The following EFCAB6 variants were observed in gnomAD, a reference collection of about 807,000 sequenced individuals.
EFCAB6 encodes the protein EF-hand calcium-binding domain-containing protein 6.
EFCAB6 carries 156 observed loss-of-function variants against 169.8 expected under a neutral mutation model. The ratio of observed to expected loss-of-function variants is 0.92; its 90% CI spans 0.81 to 1.05. The LOEUF (loss-of-function observed/expected upper bound fraction) is 1.05, where lower values mean the gene tolerates loss of function less well. EFCAB6 is among the 50% of genes least tolerant of loss of function. EFCAB6 has a pLI of 0.00. For synonymous variants in EFCAB6, 698 were observed against 676.4 expected (o/e 1.03, Z -0.50); for missense variants, 1,800 against 1,829.1 (o/e 0.98, Z 0.29).
chr22:43,699,053 A>G (rs995168903), intron 10 of EFCAB6, among the ~76,000 whole-genome samples: 9 of 151,212 alleles, frequency 6.0e-5, no homozygotes, highest in African/African-American at 2.2e-4. Flanking sequence ...TTGAGAACAC[A>G]AGGTTTTCAC....
intron 27 of EFCAB6, among the ~76,000 whole-genome samples, chr22:43,541,962 AC>A (rs1213090773): frequency 6.6e-6 from 1 of 152,192 alleles, no homozygotes; most frequent in Non-Finnish European, 1.5e-5. Context: ...GACTGGTCAG[AC>A]CCAGGGGAAG....
chr22:43,603,283 A>T (rs1212539015), intron 22 of EFCAB6, among the ~76,000 whole-genome samples: 1 of 152,252 alleles, frequency 6.6e-6, no homozygotes, highest in Non-Finnish European at 1.5e-5. Context: ...AATGTGATTA[A>T]TAAGAGAGCT....
chr22:43,578,847 C>CAT, intron 25 of EFCAB6, among the ~76,000 whole-genome samples: 1 of 150,130 alleles, frequency 6.7e-6, no homozygotes, highest in African/African-American at 2.5e-5. Context: ...TCCGTACATG[C>CAT]AGGCATCATT....
chr22:43,546,971 G>A (rs1056942755), intron 27 of EFCAB6, among the ~76,000 whole-genome samples: 1 of 152,012 alleles, frequency 6.6e-6, no homozygotes, highest in Non-Finnish European at 1.5e-5. Flanking sequence ...GATAAAAACT[G>A]GGCGAACTTA....
intron 3 of EFCAB6, among the ~76,000 whole-genome samples, chr22:43,781,758 TG>T (rs1165353847): frequency 6.6e-6 from 1 of 151,934 alleles, no homozygotes; most frequent in Non-Finnish European, 1.5e-5. Context: ...TTGTAACAAA[TG>T]TACCACAGTA....
At chr22:43,690,615 T>A (rs1222637936) in intron 10 of EFCAB6, among the ~76,000 whole-genome samples, 1 of 151,992 alleles carries the variant, frequency 6.6e-6, no homozygotes, top group Non-Finnish European at 1.5e-5. Flanking sequence ...ACACTCCTTC[T>A]GAAACGTACA....
At chr22:43,710,542 G>C (rs2059122573) in intron 10 of EFCAB6, among the ~76,000 whole-genome samples, 1 of 152,214 alleles carries the variant, frequency 6.6e-6, no homozygotes, top group African/African-American at 2.4e-5. Flanking sequence ...AAAGAATCAA[G>C]GCTATCCTGC....
At chr22:43,706,322 A>T (rs373525480) in intron 10 of EFCAB6, among the ~76,000 whole-genome samples, 9 of 152,324 alleles carry the variant, frequency 5.9e-5, no homozygotes, top group Admixed American at 6.5e-5. Context: ...TTTTCATAGA[A>T]GCCTTTCCAG....
chr22:43,718,686 CAGG>C (rs1438242140), intron 8 of EFCAB6, among the ~76,000 whole-genome samples: 2 of 152,194 alleles, frequency 1.3e-5, no homozygotes, highest in Admixed American at 6.5e-5. Flanking sequence ...GAGGCTGAGT[CAGG>C]AGAACTGCTT....
In EFCAB6 at chr22:43,595,110, T is replaced by C. The variant is rs544736172; in HGVS notation, c.2877-4881A>G. ...GGAAATACAACATACCAAAAATCTA[T>C]GGGATGCAGCAAAAGCAGTGCTAAG... is the stretch of plus-strand genomic sequence containing the variant. On this transcript the variant is annotated intron_variant, in intron 23 of 31. Transcript: ENST00000262726. Among the ~76,000 whole-genome samples the C allele has an allele frequency of 1.1e-4, 16 of 151,272 alleles. No individual in the cohort carries two copies. The East Asian group carries it at 1.7e-3, about 16-fold the overall frequency.
intron 13 of EFCAB6, among the ~76,000 whole-genome samples, chr22:43,677,190 A>C (rs1022318329): frequency 2.0e-5 from 3 of 152,216 alleles, no homozygotes; most frequent in Non-Finnish European, 4.4e-5. Context: ...ATTTCTAATA[A>C]TAAAAGTGTC....
At chr22:43,784,659 A>ATG (rs1569487953) in intron 2 of EFCAB6, among the ~76,000 whole-genome samples, 14 of 78,056 alleles carry the variant, frequency 1.8e-4, no homozygotes, top group African/African-American at 3.3e-4. Context: ...ATATGTGTAT[A>ATG]TATACATATA....
chr22:43,779,656 C>T (rs1168654757), intron 3 of EFCAB6, among the ~76,000 whole-genome samples: 1 of 152,140 alleles, frequency 6.6e-6, no homozygotes, highest in African/African-American at 2.4e-5. Context: ...AGGAGAATCG[C>T]TTGAACCCAG....
chr22:43,596,420 A>C (rs2052012149), intron 23 of EFCAB6, among the ~76,000 whole-genome samples: 1 of 152,134 alleles, frequency 6.6e-6, no homozygotes, highest in Admixed American at 6.5e-5. Context: ...CGAAATCAAT[A>C]CACAAAAATC....
chr22:43,633,878 C>T (rs1056491042), intron 18 of EFCAB6, among the ~76,000 whole-genome samples: 3 of 152,242 alleles, frequency 2.0e-5, no homozygotes, highest in African/African-American at 7.2e-5. Flanking sequence ...ACCCCCACCC[C>T]ACCGCCTGAC....
intron 23 of EFCAB6, among the ~76,000 whole-genome samples, chr22:43,591,501 C>T (rs1004165350): frequency 0.022 from 2 of 92 alleles, no homozygotes; most frequent in Admixed American, 0.25. Flanking sequence ...ACAGCCACCA[C>T]GTGGTGTTGA....
At chr22:43,780,693 C>T (rs749720414) in intron 3 of EFCAB6, among the ~76,000 whole-genome samples, 3 of 152,112 alleles carry the variant, frequency 2.0e-5, no homozygotes, top group Non-Finnish European at 4.4e-5. Context: ...TCCCTAATAT[C>T]CACTCTCCTC....
At chr22:43,641,658 T>C (rs374619048) in intron 17 of EFCAB6, among the ~76,000 whole-genome samples, 1 of 149,718 alleles carries the variant, frequency 6.7e-6, no homozygotes, top group South Asian at 2.2e-4. Context: ...AAAAGGATAC[T>C]TTCCTTGTGA....
At chr22:43,634,563 G>T (rs2055234620) in intron 18 of EFCAB6, among the ~76,000 whole-genome samples, 1 of 151,992 alleles carries the variant, frequency 6.6e-6, no homozygotes, top group South Asian at 2.1e-4. Context: ...TTCTCTAGAG[G>T]GCTTGTTTGT....
Sources: gnomAD v4.1 joint callset for allele counts (sites outside exome capture counted in the v4.1 genomes callset) on GRCh38, gnomAD v4.1.1 for gene constraint, MANE v1.5 for transcripts, NCBI Gene and HGNC (gene_info 2026-07-23, HGNC 2026-07-21) for gene names.